The following TENM2 variants were observed in gnomAD, a reference collection of about 807,000 sequenced individuals.
TENM2 encodes the protein teneurin-2.
Under a neutral mutation model 245.2 loss-of-function variants are expected in TENM2, and 52 were observed. That is an observed-to-expected ratio of 0.21 (90% confidence interval 0.17 to 0.27). The LOEUF is 0.27. Among genes scored for constraint, TENM2 ranks in the 10% least tolerant of loss-of-function variants. The pLI is 1.00. For missense variants in TENM2, 3,046 were observed against 3,666.8 expected (o/e 0.83, Z 4.37); for synonymous variants, 1,363 against 1,438.9 (o/e 0.95, Z 1.19).
intron 2 of TENM2, among the ~76,000 whole-genome samples, chr5:167,630,238 C>T (rs1778778820): frequency 6.6e-6 from 1 of 151,692 alleles, no homozygotes. Flanking sequence ...CATCACAACT[C>T]TTGTGCTTTG....
chr5:168,061,911 T>C (rs911851736), intron 6 of TENM2, 149 bp from the exon 9 acceptor site: 1 of 712,796 alleles, frequency 1.4e-6, no homozygotes, highest in African/African-American at 1.8e-5. Flanking sequence ...CTAAATGTTT[T>C]AGCTGTAACT....
At chr5:167,505,380 G>C (rs904442550) in intron 2 of TENM2, among the ~76,000 whole-genome samples, 1 of 152,190 alleles carries the variant, frequency 6.6e-6, no homozygotes, top group Non-Finnish European at 1.5e-5. Flanking sequence ...CACAAGAGCA[G>C]AAGAATGTGT....
chr5:168,238,273 A>AGAAAAGAAAAGAAAAGAAAAGAAAG (rs1765775377), intron 25 of TENM2, among the ~76,000 whole-genome samples: 1 of 150,066 alleles, frequency 6.7e-6, no homozygotes, highest in Non-Finnish European at 1.5e-5. Flanking sequence ...AGAAAAGAAA[A>AGAAAAGAAAAGAAAAGAAAAGAAAG]GAAAAGAAAA....
At chr5:167,457,010 C>T (rs1403605934) in intron 2 of TENM2, among the ~76,000 whole-genome samples, 1 of 152,188 alleles carries the variant, frequency 6.6e-6, no homozygotes, top group Non-Finnish European at 1.5e-5. Context: ...TGGTTTGAAG[C>T]AGATGGCTTC....
intron 1 of TENM2, among the ~76,000 whole-genome samples, chr5:167,347,162 A>G (rs1758513464): frequency 6.6e-6 from 1 of 151,980 alleles, no homozygotes; most frequent in African/African-American, 2.4e-5. Flanking sequence ...AAACCTGTGT[A>G]TAAAAAGACC....
chr5:167,163,123 TG>T, the TENM2 span, among the ~76,000 whole-genome samples: 111 of 152,152 alleles, frequency 7.3e-4, no homozygotes, highest in African/African-American at 2.6e-3. Flanking sequence ...TCTTCAGAGG[TG>T]GGGGGTCTCA....
the TENM2 span, among the ~76,000 whole-genome samples, chr5:167,032,934 C>T: frequency 6.6e-6 from 1 of 151,964 alleles, no homozygotes; most frequent in Non-Finnish European, 1.5e-5. Flanking sequence ...CACAAGGTTC[C>T]CACAGATAAA....
At chr5:167,783,535 G>A (rs775660579) in intron 2 of TENM2, among the ~76,000 whole-genome samples, 3 of 152,180 alleles carry the variant, frequency 2.0e-5, no homozygotes, top group Non-Finnish European at 2.9e-5. Flanking sequence ...TAGATGCCAC[G>A]GCAGTGTGCA....
At chr5:167,643,378 C>T (rs1478326688) in intron 2 of TENM2, among the ~76,000 whole-genome samples, 1 of 152,094 alleles carries the variant, frequency 6.6e-6, no homozygotes, top group African/African-American at 2.4e-5. Context: ...ATGCAGTATG[C>T]GGTCGCTTGT....
chr5:167,883,123 A>C (rs1413815281), intron 3 of TENM2, among the ~76,000 whole-genome samples: 1 of 152,168 alleles, frequency 6.6e-6, no homozygotes, highest in Admixed American at 6.5e-5. Context: ...TTGGTATGCT[A>C]TAACACTTGG....
intron 3 of TENM2, among the ~76,000 whole-genome samples, chr5:167,942,198 A>G (rs1342458510): frequency 6.6e-6 from 1 of 152,124 alleles, no homozygotes; most frequent in African/African-American, 2.4e-5. Context: ...ACAGAGTGAG[A>G]CTCCCATCTC....
At chr5:168,081,730 C>A (rs1393561572) in intron 7 of TENM2, among the ~76,000 whole-genome samples, 2 of 152,258 alleles carry the variant, frequency 1.3e-5, no homozygotes, top group African/African-American at 4.8e-5. Context: ...GTTGAAAATT[C>A]TTTTCTTTAA....
chr5:167,996,808 G>T (rs561233300), intron 5 of TENM2, among the ~76,000 whole-genome samples: 32 of 152,096 alleles, frequency 2.1e-4, no homozygotes, highest in African/African-American at 7.2e-4. Context: ...GCATGATCTC[G>T]GCTCACTGCA....
At chr5:168,128,799 G>A (rs1298232708) in intron 12 of TENM2, 1 of 152,202 alleles carries the variant, frequency 6.6e-6, no homozygotes, top group East Asian at 1.9e-4. Flanking sequence ...TTCCTGGCAC[G>A]TGACAATGAT....
chr5:167,353,514 T>TTTTG (rs1561886627), intron 1 of TENM2, among the ~76,000 whole-genome samples: 14 of 125,724 alleles, frequency 1.1e-4, no homozygotes, highest in African/African-American at 3.5e-4. Flanking sequence ...TTTTTTTTTT[T>TTTTG]TTTTTTTTTT....
intron 2 of TENM2, among the ~76,000 whole-genome samples, chr5:167,680,773 T>C (rs541883548): frequency 6.6e-6 from 1 of 152,318 alleles, no homozygotes; most frequent in African/African-American, 2.4e-5. Context: ...TCCTCGTCAT[T>C]CCAAATTACA....
chr5:168,228,978 G>A lies in TENM2; in HGVS notation c.5520+848G>A, dbSNP rs915174793. Among the ~76,000 whole-genome samples the A allele has an allele frequency of 7.6e-5, 11 of 143,920 alleles. No individual in the cohort carries two copies. The East Asian group carries it at 8.0e-4, about 10-fold the overall frequency. 94.4% of individuals were successfully genotyped at this position (143,920 alleles called of 152,430 possible). A position where few individuals can be genotyped will look rare whatever the true frequency, so the allele number is the denominator to read the frequency against. On this transcript the variant is annotated intron_variant, in intron 25 of 28. Coordinates refer to ENST00000518659, the Ensembl canonical transcript of TENM2. ...ATATGTATACATAATATACATATAC[G>A]TATACATAATATACATATATAATAC...
intron 3 of TENM2, among the ~76,000 whole-genome samples, chr5:167,898,315 G>A (rs1775388245): frequency 6.6e-6 from 1 of 152,024 alleles, no homozygotes; most frequent in Non-Finnish European, 1.5e-5. Flanking sequence ...TAGGGGTGGG[G>A]CCCATAAAGC....
At chr5:167,194,680 T>C in the TENM2 span, among the ~76,000 whole-genome samples, 3 of 152,012 alleles carry the variant, frequency 2.0e-5, no homozygotes, top group African/African-American at 7.2e-5. Context: ...TTTTGGTCCC[T>C]GGACAAACCC....
Sources: allele counts gnomAD v4.1 joint callset (sites outside exome capture counted in the v4.1 genomes callset), GRCh38; gene constraint gnomAD v4.1.1; transcripts MANE v1.5; gene names NCBI Gene and HGNC (gene_info 2026-07-23, HGNC 2026-07-21).